Variants in TPST1 observed in about 807,000 individuals in gnomAD.
TPST1 encodes protein-tyrosine sulfotransferase 1.
Under a neutral mutation model 34.8 loss-of-function variants are expected in TPST1, and 20 were observed. That is an observed-to-expected ratio of 0.57 (90% CI 0.40 to 0.84). TPST1 has a LOEUF of 0.84. Ranked by LOEUF, TPST1 falls within the 40% of genes least tolerant of loss-of-function variation. The pLI is 0.00. For missense variants in TPST1, 353 were observed against 455.5 expected, an observed-to-expected ratio of 0.78 and a Z score of 2.05; for synonymous variants, 152 against 159.4, an observed-to-expected ratio of 0.95 and a Z score of 0.35.
intron 2 of TPST1, among the ~76,000 whole-genome samples, chr7:66,261,650 T>A (rs1215857997): frequency 2.0e-5 from 3 of 152,184 alleles, no homozygotes; most frequent in Non-Finnish European, 4.4e-5. Flanking sequence ...TTTAAAAAAA[T>A]ATATTTAATA....
chr7:66,232,069 G>A (rs1789808771), intron 1 of TPST1, among the ~76,000 whole-genome samples: 2 of 152,006 alleles, frequency 1.3e-5, no homozygotes. Context: ...TCTACTTTTT[G>A]GCTATGAATA....
chr7:66,299,408 C>A (rs1791269277), intron 3 of TPST1, among the ~76,000 whole-genome samples: 1 of 143,388 alleles, frequency 7.0e-6, no homozygotes, highest in East Asian at 2.3e-4. Context: ...TTTTTTTTAA[C>A]TTTCAACATT....
At chr7:66,213,450 T>C (rs989303425) in intron 1 of TPST1, among the ~76,000 whole-genome samples, 1 of 152,188 alleles carries the variant, frequency 6.6e-6, no homozygotes, top group Admixed American at 6.5e-5. Flanking sequence ...TTAAAGAGTG[T>C]ATGTAATGGC....
intron 2 of TPST1, among the ~76,000 whole-genome samples, chr7:66,253,625 C>A (rs1362937838): frequency 6.6e-6 from 1 of 151,742 alleles, no homozygotes; most frequent in African/African-American, 2.4e-5. Flanking sequence ...CCCACCCTGG[C>A]CTCCCAAAGT....
At position 66,240,133 on chromosome 7, in the gene TPST1, C is replaced by T. The variant is rs190109136; in HGVS notation, c.-101-192C>T. Among the ~76,000 whole-genome samples the T allele has an allele frequency of 1.1e-3, 166 of 152,080 alleles. 1 individual carries two copies. Among genetic ancestry groups the T allele is most frequent in the African/African-American group, 3.6e-3 (148 of 41,494 alleles). The stretch of plus-strand genomic sequence containing the variant: ...CCATCTCCTGACCTCGTGATCCGCC[C>T]GCCTCGGCCTCCCAAAGTGCTGGGA... On this transcript the variant is annotated intron_variant, in intron 1 of 5. Transcript: ENST00000304842.
intron 3 of TPST1, among the ~76,000 whole-genome samples, chr7:66,328,898 A>C (rs1430187847): frequency 8.2e-5 from 4 of 49,026 alleles, no homozygotes; most frequent in Non-Finnish European, 1.4e-4. Flanking sequence ...ATATATATAT[A>C]TATATATATT....
chr7:66,299,840 G>A (rs1257818004), intron 3 of TPST1, among the ~76,000 whole-genome samples: 1 of 151,972 alleles, frequency 6.6e-6, no homozygotes, highest in East Asian at 1.9e-4. Flanking sequence ...ATCTCTCCCT[G>A]TTGACTTTGT....
At chr7:66,351,972 TTTAA>T (rs997386827) in intron 3 of TPST1, among the ~76,000 whole-genome samples, 1 of 152,234 alleles carries the variant, frequency 6.6e-6, no homozygotes, top group African/African-American at 2.4e-5. Context: ...AGCATAGGTT[TTTAA>T]TTATAAGATT....
chr7:66,323,896 T>A (rs934308460), intron 3 of TPST1, among the ~76,000 whole-genome samples: 1 of 152,198 alleles, frequency 6.6e-6, no homozygotes, highest in Non-Finnish European at 1.5e-5. Context: ...CTTCTGTGTA[T>A]ATATACAAAA....
chr7:66,353,306 C>CA (rs1348699772), intron 4 of TPST1, among the ~76,000 whole-genome samples: 1 of 151,354 alleles, frequency 6.6e-6, no homozygotes, highest in Non-Finnish European at 1.5e-5. Context: ...AAGACTGCCT[C>CA]AAAAAAAGAA....
At chr7:66,216,031 A>G (rs1463733019) in intron 1 of TPST1, among the ~76,000 whole-genome samples, 1 of 151,592 alleles carries the variant, frequency 6.6e-6, no homozygotes, top group Non-Finnish European at 1.5e-5. Context: ...TTGGCCTCCC[A>G]AAGTGCTGGG....
chr7:66,329,069 G>A (rs1791944504), intron 3 of TPST1, among the ~76,000 whole-genome samples: 1 of 150,266 alleles, frequency 6.7e-6, no homozygotes, highest in Non-Finnish European at 1.5e-5. Flanking sequence ...GCACAACCAC[G>A]CCCAGCTAAT....
intron 3 of TPST1, among the ~76,000 whole-genome samples, chr7:66,338,909 A>G (rs922284116): frequency 1.3e-5 from 2 of 152,176 alleles, no homozygotes; most frequent in African/African-American, 4.8e-5. Flanking sequence ...GCAAAACCAA[A>G]CAAACCCCCA....
chr7:66,266,206 A>G (rs1790588844), intron 2 of TPST1, among the ~76,000 whole-genome samples: 1 of 152,160 alleles, frequency 6.6e-6, no homozygotes. Flanking sequence ...AGCCCTGCAC[A>G]TTTCCCATAT....
At chr7:66,274,652 A>G (rs1790770396) in intron 2 of TPST1, among the ~76,000 whole-genome samples, 1 of 152,174 alleles carries the variant, frequency 6.6e-6, no homozygotes, top group South Asian at 2.1e-4. Flanking sequence ...TGAAGAGACA[A>G]CCTATAGAAT....
At chr7:66,247,757 C>G (rs999325203) in intron 2 of TPST1, among the ~76,000 whole-genome samples, 2 of 152,148 alleles carry the variant, frequency 1.3e-5, no homozygotes, top group Non-Finnish European at 2.9e-5. Context: ...AAATGTTACT[C>G]CTGGGAGAAG....
At chr7:66,347,623 A>G (rs539047148) in intron 3 of TPST1, among the ~76,000 whole-genome samples, 13 of 152,174 alleles carry the variant, frequency 8.5e-5, no homozygotes, top group Non-Finnish European at 1.6e-4. Context: ...CTCCACCAGT[A>G]TTATTCTTTT....
At position 66,253,572 on chromosome 7, in the gene TPST1, C is replaced by T. The variant is rs1314507370; in HGVS notation, c.845+12302C>T. Among the ~76,000 whole-genome samples the T allele has an allele frequency of 1.7e-4, 25 of 151,178 alleles. No homozygotes were observed. The East Asian group carries it at 2.6e-3, about 16-fold the overall frequency. ...ATTTTTAGTAGAGACGGGATTTCAC[C>T]GTGTTAACCAGGATGGTCTCTCTCT... On this transcript the variant is annotated intron_variant, in intron 2 of 5. Coordinates refer to ENST00000304842, the MANE Select transcript of TPST1 (RefSeq NM_003596.4).
chr7:66,232,315 A>G (rs1465144791), intron 1 of TPST1, among the ~76,000 whole-genome samples: 2 of 144,368 alleles, frequency 1.4e-5, no homozygotes, highest in African/African-American at 5.2e-5. Flanking sequence ...TAATCCTCCC[A>G]CCTCAGCCTC....
Sources: allele counts gnomAD v4.1 joint callset (sites outside exome capture counted in the v4.1 genomes callset), GRCh38; gene constraint gnomAD v4.1.1; transcripts MANE v1.5; gene names NCBI Gene and HGNC (gene_info 2026-07-23, HGNC 2026-07-21).